MCM10: variants seen among roughly 807,000 people sequenced by gnomAD.
The protein encoded by MCM10 is minichromosome maintenance 10 replication initiation factor.
Under a neutral mutation model 109.9 loss-of-function variants are expected in MCM10, and 91 were observed. The observed-to-expected ratio is 0.83, with a 90% CI of 0.70 to 0.99. MCM10 has a LOEUF of 0.99. Among genes scored for constraint, MCM10 ranks in the 50% least tolerant of loss-of-function variants. The pLI is 0.00. For missense variants in MCM10, 1,077 were observed against 1,061.2 expected (o/e 1.01, Z -0.21); for synonymous variants, 380 against 387.2 (o/e 0.98, Z 0.22).
chr10:13,174,684 T>C (rs1377489672), intron 5 of MCM10, among the ~76,000 whole-genome samples: 1 of 152,236 alleles, frequency 6.6e-6, no homozygotes, highest in East Asian at 1.9e-4. Context: ...GATGGTCACA[T>C]GTGTCTGGTA....
chr10:13,164,328 C>G (rs1340118022), intron 2 of MCM10, 119 bp downstream of exon 2: 7 of 907,032 alleles, frequency 7.7e-6, no homozygotes, highest in Non-Finnish European at 1.1e-5. Flanking sequence ...CAGGTATTGT[C>G]TTAGTGGTTC....
At chr10:13,200,520 T>C in intron 16 of MCM10, among the ~76,000 whole-genome samples, 1 of 152,264 alleles carries the variant, frequency 6.6e-6, no homozygotes, top group East Asian at 1.9e-4. Context: ...TCATATCTTT[T>C]CACTGGACTT....
At chr10:13,198,659 C>A in intron 15 of MCM10, 30 bp from the exon 16 acceptor site, 1 of 1,455,418 alleles carries the variant, frequency 6.9e-7, no homozygotes, top group South Asian at 1.1e-5. Context: ...ATTTCTTGGT[C>A]GCTGCTAATG....
At chr10:13,175,934 C>T (rs1267338138) in intron 6 of MCM10, among the ~76,000 whole-genome samples, 1 of 152,130 alleles carries the variant, frequency 6.6e-6, no homozygotes, top group Non-Finnish European at 1.5e-5. Flanking sequence ...AAGAAATGGA[C>T]AAATGATAGT....
chr10:13,203,966 C>T (rs1834534436), intron 17 of MCM10, among the ~76,000 whole-genome samples: 1 of 152,152 alleles, frequency 6.6e-6, no homozygotes, highest in Non-Finnish European at 1.5e-5. Context: ...TACACAATAA[C>T]AGAAAGTTAT....
At position 13,192,505 on chromosome 10, in the gene MCM10, T is replaced by G; in HGVS notation, c.1682T>G (p.Leu561Trp). ...AIKSISASAL[L>W]KQQKQRMLEM... ...AAGTCCATCTCGGCCTCAGCACTCT[T>G]GAAGCAACAGAAGCAGCGGATGTTG... Residue 561 changes from leucine to tryptophan, a missense_variant, in exon 13 of 20, where the codon TTG (leucine) becomes TGG (tryptophan). Transcript: ENST00000378714. 1 of 1,614,088 alleles carries G rather than the reference T, an allele frequency of 6.2e-7. No individual in the cohort carries two copies. The highest frequency in any genetic ancestry group is 8.5e-7 in the Non-Finnish European group (1 of 1,180,024).
intron 18 of MCM10, among the ~76,000 whole-genome samples, chr10:13,205,002 GTATATATA>G (rs576376587): frequency 5.6e-3 from 37 of 6,652 alleles, no homozygotes; most frequent in Admixed American, 9.1e-3. Context: ...ATGTATGTAT[GTATATATA>G]TATATATATA....
At chr10:13,167,941 C>A (rs963476720) in intron 2 of MCM10, among the ~76,000 whole-genome samples, 11 of 152,258 alleles carry the variant, frequency 7.2e-5, no homozygotes, top group Admixed American at 4.6e-4. Flanking sequence ...GGTTTGAGAA[C>A]AAAGAGGCTG....
chr10:13,168,698 T>A (rs1250206050), intron 2 of MCM10, among the ~76,000 whole-genome samples: 1 of 152,140 alleles, frequency 6.6e-6, no homozygotes, highest in African/African-American at 2.4e-5. Flanking sequence ...ATCCAAGAAA[T>A]GCAAATCAAA....
At chr10:13,175,106 A>C (rs1019182585) in intron 5 of MCM10, among the ~76,000 whole-genome samples, 1 of 151,812 alleles carries the variant, frequency 6.6e-6, no homozygotes, top group African/African-American at 2.4e-5. Context: ...CTGGGCAACA[A>C]GAGTGAAACT....
rs116062703 is a variant in MCM10 at position 13,179,895 on chromosome 10, G to A, written c.765-547G>A. Among the ~76,000 whole-genome samples, 554 of 152,264 alleles carry A rather than the reference G, an allele frequency of 3.6e-3. 2 individuals are homozygous for A. Among genetic ancestry groups the A allele is most frequent in the African/African-American group, 0.012 (513 of 41,558 alleles). On this transcript the variant is annotated intron_variant, in intron 6 of 19. Coordinates refer to ENST00000378714, the MANE Select transcript of MCM10 (RefSeq NM_018518.5). Reference sequence around the variant, plus strand: ...TAATTTAAGAGCTTAAAGGATTTGCGATCTTTCTTGTATTCTATATAAGCC... The same window carrying A: ...TAATTTAAGAGCTTAAAGGATTTGCAATCTTTCTTGTATTCTATATAAGCC...
At chr10:13,166,451 C>A (rs2131553317) in intron 2 of MCM10, among the ~76,000 whole-genome samples, 1 of 151,794 alleles carries the variant, frequency 6.6e-6, no homozygotes, top group Non-Finnish European at 1.5e-5. Flanking sequence ...GCCTGACCAA[C>A]ATGGAGAAAC....
intron 2 of MCM10, among the ~76,000 whole-genome samples, chr10:13,168,136 C>T (rs1055994625): frequency 3.9e-5 from 6 of 152,162 alleles, no homozygotes; most frequent in African/African-American, 1.2e-4. Context: ...AGCCTCTTCC[C>T]GGGGTGTGCC....
Position 13,195,024 on chromosome 10 carries a change from C to T in MCM10, c.1746-17C>T. The T allele has an allele frequency of 1.2e-6, 2 of 1,604,122 alleles. No homozygotes were observed. The highest frequency in any genetic ancestry group is 1.7e-5 in the Admixed American group (1 of 58,954). On this transcript the variant is annotated splice_polypyrimidine_tract_variant and intron_variant, in intron 13 of 19. Coordinates refer to ENST00000378714, the MANE Select transcript of MCM10 (RefSeq NM_018518.5). ...CGTAAACCCTGTTTGCGTATTTTGACTGTATGTTCTTTAAAGATTTCTGCA... is the reference window on the plus strand; with the variant it reads ...CGTAAACCCTGTTTGCGTATTTTGATTGTATGTTCTTTAAAGATTTCTGCA...
Position 13,209,471 on chromosome 10 carries a change from G to A in MCM10, c.*161G>A. The A allele has an allele frequency of 9.6e-6, 6 of 623,872 alleles. 1 individual carries two copies. In the South Asian group the frequency reaches 1.2e-4, roughly 13 times the overall value. The allele number at this position is 623,872 out of a possible 1,614,324, so 38.6% of individuals were successfully genotyped here. On this transcript the variant is annotated 3_prime_UTR_variant, in exon 20 of 20. Coordinates refer to ENST00000378714, the MANE Select transcript of MCM10 (RefSeq NM_018518.5). ...CCTGCTTACTTTCTGCCATTGGGTTGGTTTGATACCACATTTAACATTGAC... is the reference window on the plus strand; with the variant it reads ...CCTGCTTACTTTCTGCCATTGGGTTAGTTTGATACCACATTTAACATTGAC...
chr10:13,164,036 A>C, intron 1 of MCM10, 92 bp from the exon 2 acceptor site: 2 of 485,768 alleles, frequency 4.1e-6, no homozygotes, highest in Middle Eastern at 6.0e-4. Flanking sequence ...GTTAGAGCCC[A>C]TAGGAGTGGT....
At chr10:13,166,657 CATACATAT>C (rs1288199916) in intron 2 of MCM10, among the ~76,000 whole-genome samples, 2 of 19,936 alleles carry the variant, frequency 1.0e-4, no homozygotes, top group African/African-American at 1.5e-4. Flanking sequence ...AAAATACATA[CATACATAT>C]ATATATATAT....
intron 10 of MCM10, among the ~76,000 whole-genome samples, chr10:13,190,963 C>T (rs1005394898): frequency 1.3e-5 from 2 of 152,086 alleles, no homozygotes; most frequent in Non-Finnish European, 2.9e-5. Flanking sequence ...ACAAAGCTGC[C>T]ATTAATATCC....
rs761122519 is a variant in MCM10, at chr10:13,201,487, A to C, written c.2305A>C (p.Met769Leu). Residue 769 changes from methionine (M) to leucine (L), a missense_variant, in exon 17 of 20, where the codon ATG (methionine) becomes CTG (leucine). Transcript: ENST00000378714. The stretch of plus-strand genomic sequence containing the variant: ...GAAAAAAGAACAAATGGAAGAAAAG[A>C]TGAGAAACATCAGAGAAGTGAAGTG... The part of the protein sequence containing the change: ...LVKKEQMEEK[M>L]RNIREVKCRV... 15 of 1,612,956 alleles carry C rather than the reference A, an allele frequency of 9.3e-6. No homozygotes were observed. The highest frequency in any genetic ancestry group is 1.3e-5 in the African/African-American group (1 of 74,886).
Sources: allele counts gnomAD v4.1 joint callset (sites outside exome capture counted in the v4.1 genomes callset), GRCh38; gene constraint gnomAD v4.1.1; transcripts MANE v1.5; gene names NCBI Gene and HGNC (gene_info 2026-07-23, HGNC 2026-07-21).